MYO3B: variants seen among roughly 807,000 people sequenced by gnomAD.
MYO3B encodes myosin IIIB, also known as myosin-IIIb.
A neutral mutation model predicts 174.6 loss-of-function variants in MYO3B; 156 were observed. The ratio of observed to expected loss-of-function variants is 0.89; its 90% CI spans 0.78 to 1.02. The LOEUF is 1.02. Among genes scored for constraint, MYO3B ranks in the 50% least tolerant of loss-of-function variants. The pLI is 0.00. For synonymous variants in MYO3B, 563 were observed against 569.1 expected (o/e 0.99, Z 0.15); for missense variants, 1,632 against 1,639.4 (o/e 1.00, Z 0.08).
intron 32 of MYO3B, among the ~76,000 whole-genome samples, chr2:170,598,022 T>A (rs1694260587): frequency 6.6e-6 from 1 of 152,230 alleles, no homozygotes; most frequent in African/African-American, 2.4e-5. Context: ...AGAAAATATC[T>A]GTTGTTTAAT....
chr2:170,417,999 A>G (rs1247907957), intron 22 of MYO3B, among the ~76,000 whole-genome samples: 2 of 152,186 alleles, frequency 1.3e-5, no homozygotes, highest in African/African-American at 4.8e-5. Context: ...GGCATCACCA[A>G]GGAGGAGGGA....
At chr2:170,249,141 C>T (rs1457053876) in intron 7 of MYO3B, among the ~76,000 whole-genome samples, 1 of 152,226 alleles carries the variant, frequency 6.6e-6, no homozygotes, top group Non-Finnish European at 1.5e-5. Context: ...CTGGTTTCCA[C>T]TCAGAGGAAG....
chr2:170,214,822 G>T lies in MYO3B; in HGVS notation c.520G>T (p.Asp174Tyr), dbSNP rs200474657. 295 of 1,612,758 alleles carry T rather than the reference G, an allele frequency of 1.8e-4. 1 individual carries two copies. The African/African-American group carries it at 3.7e-3, about 20-fold the overall frequency. ...AACAGAAGGAGGAGTTAAGCTCGTT[G>T]ACTTTGGTAATGACTGCTTGTCGTT... ...LTTEGGVKLV[D>Y]FGVSAQLTST... Residue 174 changes from aspartate to tyrosine, a missense_variant, in exon 5 of 35, where the codon GAC becomes TAC. Transcript: ENST00000408978.
At chr2:170,236,243 C>A in intron 7 of MYO3B, 107 bp downstream of exon 7, 3 of 1,336,778 alleles carry the variant, frequency 2.2e-6, no homozygotes, top group Non-Finnish European at 3.1e-6. Context: ...CTGACAAAGC[C>A]TGATTGTGAA....
intron 5 of MYO3B, 45 bp from the exon 6 acceptor site, chr2:170,217,274 A>G: frequency 6.4e-7 from 1 of 1,556,882 alleles, no homozygotes. Context: ...CTGGTCTAGC[A>G]TCATACTTTG....
At chr2:170,318,599 T>C (rs2093792731) in intron 7 of MYO3B, among the ~76,000 whole-genome samples, 1 of 152,188 alleles carries the variant, frequency 6.6e-6, no homozygotes, top group Non-Finnish European at 1.5e-5. Flanking sequence ...TTGAAGATTT[T>C]GGCCAAACTT....
chr2:170,441,266 C>A (rs771713991), intron 22 of MYO3B, among the ~76,000 whole-genome samples: 5 of 152,082 alleles, frequency 3.3e-5, no homozygotes, highest in South Asian at 2.1e-4. Context: ...ATTTCTTTTC[C>A]TTATCTAATT....
intron 32 of MYO3B, among the ~76,000 whole-genome samples, chr2:170,624,131 G>A (rs777042271): frequency 6.6e-6 from 1 of 152,280 alleles, no homozygotes; most frequent in Middle Eastern, 3.4e-3. Flanking sequence ...TAGCTTGATG[G>A]GGATGGCATT....
intron 25 of MYO3B, among the ~76,000 whole-genome samples, chr2:170,472,048 C>T (rs1004748397): frequency 4.0e-5 from 6 of 149,778 alleles, no homozygotes; most frequent in Non-Finnish European, 7.4e-5. Flanking sequence ...GGGTTTATTT[C>T]TGGACTCTCT....
chr2:170,477,340 C>T (rs1159393433), intron 25 of MYO3B, among the ~76,000 whole-genome samples: 2 of 152,158 alleles, frequency 1.3e-5, no homozygotes, highest in Non-Finnish European at 2.9e-5. Context: ...CCTCTGTGCT[C>T]CCACAACTGG....
intron 8 of MYO3B, among the ~76,000 whole-genome samples, chr2:170,368,038 G>A (rs2094211626): frequency 6.6e-6 from 1 of 152,222 alleles, no homozygotes; most frequent in Non-Finnish European, 1.5e-5. Context: ...GAAGGTAAGG[G>A]ATATGAAAGT....
Position 170,356,866 on chromosome 2 carries a change from C to T in MYO3B, c.816-12356C>T, listed in dbSNP as rs140532841. ...AATCATGGCTCACTGCAGCCTCAAC[C>T]TCCTGGGCTCAAGCAGTCCTCCCAC... is the stretch of plus-strand genomic sequence containing the variant. On this transcript the variant is annotated intron_variant, in intron 8 of 34. Coordinates refer to ENST00000408978, the MANE Select transcript of MYO3B (RefSeq NM_138995.5). 3.9e-3 allele frequency among the ~76,000 whole-genome samples: 600 copies of T among 152,130 alleles called. 1 individual carries two copies. Among genetic ancestry groups the T allele is most frequent in the African/African-American group, 0.013 (560 of 41,500 alleles).
chr2:170,385,956 A>G (rs1323320782), intron 12 of MYO3B: 2 of 317,328 alleles, frequency 6.3e-6, no homozygotes, highest in Non-Finnish European at 1.2e-5. Context: ...CAAGGAAAAA[A>G]CTCAAATATC....
chr2:170,590,993 T>C (rs573643048), intron 32 of MYO3B, among the ~76,000 whole-genome samples: 14 of 152,280 alleles, frequency 9.2e-5, no homozygotes, highest in East Asian at 1.9e-4. Context: ...TCTGCTAAAA[T>C]GGGCTGGAGA....
At chr2:170,297,179 G>T (rs994691004) in intron 7 of MYO3B, among the ~76,000 whole-genome samples, 1 of 152,124 alleles carries the variant, frequency 6.6e-6, no homozygotes, top group Admixed American at 6.6e-5. Flanking sequence ...AACATCTGTT[G>T]TGACTGAGGT....
At chr2:170,391,692 G>A in intron 15 of MYO3B, 74 bp downstream of exon 15, 1 of 883,968 alleles carries the variant, frequency 1.1e-6, no homozygotes, top group Non-Finnish European at 1.8e-6. Context: ...GGAAGTAAAT[G>A]GAGCTGTTTT....
intron 8 of MYO3B, chr2:170,342,364 A>G (rs944047671): frequency 6.6e-6 from 1 of 152,330 alleles, no homozygotes; most frequent in African/African-American, 2.4e-5. Flanking sequence ...AATAATAGAA[A>G]GTGAGGGTGA....
chr2:170,280,310 GT>G (rs570838353), intron 7 of MYO3B, among the ~76,000 whole-genome samples: 7 of 150,946 alleles, frequency 4.6e-5, no homozygotes, highest in Admixed American at 4.6e-4. Context: ...TAGTGGGGTT[GT>G]TTTTTTTTCT....
chr2:170,384,309 C>T (rs1049879475), intron 12 of MYO3B, among the ~76,000 whole-genome samples: 2 of 152,146 alleles, frequency 1.3e-5, no homozygotes, highest in Non-Finnish European at 2.9e-5. Context: ...AATGAACAAA[C>T]CTTAAACTCA....
Sources: gnomAD v4.1 joint callset for allele counts (sites outside exome capture counted in the v4.1 genomes callset) on GRCh38, gnomAD v4.1.1 for gene constraint, MANE v1.5 for transcripts, NCBI Gene and HGNC (gene_info 2026-07-23, HGNC 2026-07-21) for gene names.